The following MYLK variants were observed in gnomAD, a reference collection of about 807,000 sequenced individuals.
The protein encoded by MYLK is myosin light chain kinase, smooth muscle.
A neutral mutation model predicts 203.4 loss-of-function variants in MYLK; 106 were observed. That is an observed-to-expected ratio of 0.52 (90% CI 0.45 to 0.61). MYLK has a LOEUF of 0.61. Among genes scored for constraint, MYLK ranks in the 20% least tolerant of loss-of-function variants. The probability of loss-of-function intolerance (pLI) is 0.00; values close to 1 mark genes in which losing one functional copy is unlikely to be tolerated. For missense variants in MYLK, 2,072 were observed against 2,442.3 expected, an observed-to-expected ratio of 0.85 and a Z score of 3.20; for synonymous variants, 867 against 959.5, an observed-to-expected ratio of 0.90 and a Z score of 1.78.
intron 20 of MYLK, among the ~76,000 whole-genome samples, chr3:123,675,039 G>A (rs1406097452): frequency 2.0e-5 from 3 of 152,246 alleles, no homozygotes; most frequent in Non-Finnish European, 4.4e-5. Context: ...AACCCTCAAG[G>A]ATTTCTGTTA....
At chr3:123,788,394 T>C (rs2064628915) in intron 4 of MYLK, among the ~76,000 whole-genome samples, 1 of 152,076 alleles carries the variant, frequency 6.6e-6, no homozygotes, top group South Asian at 2.1e-4. Context: ...TATTTCTTTT[T>C]TTTTTTAATT....
chr3:123,846,495 C>T (rs2030017556), intron 2 of MYLK, among the ~76,000 whole-genome samples: 1 of 152,062 alleles, frequency 6.6e-6, no homozygotes, highest in Non-Finnish European at 1.5e-5. Flanking sequence ...GAAATTTGGA[C>T]TGTTTCCCAT....
chr3:123,697,916 G>A (rs890201351), intron 18 of MYLK, among the ~76,000 whole-genome samples: 2 of 152,148 alleles, frequency 1.3e-5, no homozygotes, highest in African/African-American at 4.8e-5. Context: ...TCCATGGGAA[G>A]GGAGGCTGGA....
rs372695434 is a variant in MYLK, at chr3:123,629,542, G to A, written c.5046C>T (p.Asp1682=). The change falls in exon 30 of 34, where the codon GAC becomes GAT. Residue 1682 remains aspartate (D), a synonymous_variant. Coordinates refer to ENST00000360304, the MANE Select transcript of MYLK (RefSeq NM_053025.4). This position sits in a 1 kb window ranked among gnomAD's most constrained non-coding sequence, Gnocchi z 4.4. ...CGTCGGAGATCTCATCGAATGCCTC[G>A]TCGTCGAAGTCCCAGGTGGCTGAGG... is the stretch of plus-strand genomic sequence containing the variant. The part of the protein sequence containing the change: ...NVTSATWDFD[D]EAFDEISDDA... 55 of 1,614,018 alleles carry A rather than the reference G, an allele frequency of 3.4e-5. No homozygotes were observed. The African/African-American group carries it at 3.7e-4, about 11-fold the overall frequency.
chr3:123,771,124 C>G (rs1008951248), intron 4 of MYLK, among the ~76,000 whole-genome samples: 4 of 152,208 alleles, frequency 2.6e-5, no homozygotes, highest in Non-Finnish European at 4.4e-5. Context: ...AAATACAGAG[C>G]TTGGAATGAT....
At chr3:123,821,599 C>T (rs1449598078) in intron 3 of MYLK, among the ~76,000 whole-genome samples, 1 of 152,194 alleles carries the variant, frequency 6.6e-6, no homozygotes, top group East Asian at 1.9e-4. Context: ...CACCCAGGGT[C>T]TCCTTTGTGT....
chr3:123,804,002 G>T (rs906602262), intron 3 of MYLK, among the ~76,000 whole-genome samples: 2 of 152,220 alleles, frequency 1.3e-5, no homozygotes, highest in Non-Finnish European at 2.9e-5. Context: ...CATGTATTTA[G>T]CACTTACTGT....
intron 23 of MYLK, among the ~76,000 whole-genome samples, chr3:123,663,366 A>T (rs553705056): frequency 3.1e-4 from 47 of 151,918 alleles, no homozygotes; most frequent in Non-Finnish European, 5.9e-4. Context: ...GGTCATGGTG[A>T]CCTCAGAAGA....
chr3:123,666,300 G>A lies in MYLK; in HGVS notation c.3750C>T (p.Arg1250=), dbSNP rs201873975. The A allele has an allele frequency of 1.5e-4, 246 of 1,614,066 alleles. No individual in the cohort carries two copies. Among genetic ancestry groups the A allele is most frequent in the East Asian group, 2.9e-4 (13 of 44,894 alleles). The change falls in exon 22 of 34, where the codon CGC becomes CGT. Residue 1250 remains arginine, a synonymous_variant. Transcript: ENST00000360304. The part of the protein sequence containing the change: ...IIQFPEDQKV[R]AGESVELFGK... ...CAAACAGCTCCACTGACTCTCCTGC[G>A]CGTACCTTCTGGTCCTCAGGGAACT...
intron 22 of MYLK, among the ~76,000 whole-genome samples, chr3:123,665,393 G>C (rs1198002101): frequency 4.6e-5 from 7 of 152,238 alleles, no homozygotes; most frequent in Non-Finnish European, 8.8e-5. Flanking sequence ...GGGCAAACAT[G>C]CTCTGGGATG....
chr3:123,727,513 A>C (rs72970865), intron 11 of MYLK, among the ~76,000 whole-genome samples: 211 of 152,318 alleles, frequency 1.4e-3, no homozygotes, highest in African/African-American at 5.0e-3. Context: ...ATTTTCTTGT[A>C]AGATTGTTGG....
At chr3:123,708,102 C>T (rs2061533671) in intron 15 of MYLK, 99 bp from the exon 16 acceptor site, 1 of 1,525,922 alleles carries the variant, frequency 6.6e-7, no homozygotes, top group African/African-American at 1.4e-5. Flanking sequence ...GATAGCATGT[C>T]ACCCAAGTAA....
chr3:123,848,277 G>GT (rs1261861654), intron 2 of MYLK, among the ~76,000 whole-genome samples: 3 of 149,730 alleles, frequency 2.0e-5, no homozygotes, highest in Non-Finnish European at 4.4e-5. Flanking sequence ...CCTTACTAGG[G>GT]TTTTATCTAT....
intron 4 of MYLK, among the ~76,000 whole-genome samples, chr3:123,768,514 G>A (rs761183313): frequency 5.9e-5 from 9 of 152,188 alleles, no homozygotes; most frequent in Non-Finnish European, 1.0e-4. Flanking sequence ...ACACCATGCA[G>A]GGCTCAGGCC....
At chr3:123,815,035 C>T (rs1560252967) in intron 3 of MYLK, among the ~76,000 whole-genome samples, 1 of 152,186 alleles carries the variant, frequency 6.6e-6, no homozygotes, top group Non-Finnish European at 1.5e-5. Flanking sequence ...TCAGGTGATT[C>T]ACCCACCTTG....
chr3:123,812,608 C>A (rs913515377), intron 3 of MYLK, among the ~76,000 whole-genome samples: 1 of 152,154 alleles, frequency 6.6e-6, no homozygotes, highest in Non-Finnish European at 1.5e-5. Context: ...CAGAGTTTGC[C>A]CCAACACTTG....
chr3:123,717,379 T>A (rs2061933035), intron 13 of MYLK, among the ~76,000 whole-genome samples: 1 of 152,250 alleles, frequency 6.6e-6, no homozygotes. Context: ...AATACTCTAA[T>A]AAATATGCTT....
At chr3:123,735,585 T>C (rs147235692) in intron 8 of MYLK, 169 bp from the exon 9 acceptor site, 149 of 702,738 alleles carry the variant, frequency 2.1e-4, no homozygotes, top group Middle Eastern at 3.2e-4. Flanking sequence ...CTAGAGTACA[T>C]TGTCAAAGCT....
chr3:123,614,203 T>C lies in MYLK; in HGVS notation c.5647A>G (p.Lys1883Glu). ...GCTTCTCCAAGACTGTTGACAGCCT[T>C]GCAGGTGTACTTGGCATCGTCATCC... The part of the protein sequence containing the change: ...CGDDDAKYTC[K>E]AVNSLGEATC... Residue 1883 changes from lysine (K) to glutamate (E), a missense_variant, in exon 34 of 34, where the codon AAG becomes GAG. Physicochemically the swap from Lys to Glu is moderately conservative, Grantham distance 56. Around this residue, in one of 3 missense-constraint regions of MYLK, gnomAD observed 524 missense variants for 782.4 expected, o/e 0.67. Coordinates refer to ENST00000360304, the MANE Select transcript of MYLK (RefSeq NM_053025.4). 6.2e-7 allele frequency: 1 copy of C among 1,614,164 alleles called. No homozygotes were observed. The highest frequency in any genetic ancestry group is 8.5e-7 in the Non-Finnish European group (1 of 1,180,026).
Sources: gnomAD v4.1 joint callset for allele counts (sites outside exome capture counted in the v4.1 genomes callset) on GRCh38, gnomAD v4.1.1 for gene constraint, gnomAD v4.1.1 regional missense constraint, Gnocchi (gnomAD v3.1) non-coding constraint, MANE v1.5 for transcripts, NCBI Gene and HGNC (gene_info 2026-07-23, HGNC 2026-07-21) for gene names.